The following INSL6 variants were observed in gnomAD, a reference collection of about 807,000 sequenced individuals.
The protein encoded by INSL6 is insulin like 6.
A neutral mutation model predicts 9.4 loss-of-function variants in INSL6; 16 were observed. The observed-to-expected ratio is 1.70, with a 90% CI of 1.15 to 2.59. The LOEUF is 2.59. INSL6 is among the 30% of genes most tolerant of loss of function. The pLI is 0.00. For missense variants in INSL6, 391 were observed against 257.3 expected, an observed-to-expected ratio of 1.52 and a Z score of -3.56; for synonymous variants, 154 against 96.9, an observed-to-expected ratio of 1.59 and a Z score of -3.46.
rs556595414 is a variant in INSL6, at chr9:5,126,257, T to C, written c.*11-1746A>G. The stretch of plus-strand genomic sequence containing the variant: ...CACACATATACTAAATTTTTTCCCA[T>C]TGACTGGAGGAAATTGAGAAAGAAT... On this transcript the variant is annotated intron_variant, in intron 3 of 3. Coordinates refer to the INSL6 transcript ENST00000649639. 3.3e-4 allele frequency: 332 copies of C among 1,017,918 alleles called. No individual in the cohort carries two copies. The African/African-American group carries it at 3.9e-3, about 12-fold the overall frequency. The allele number at this position is 1,017,918 out of a possible 1,614,324, so 63.1% of individuals were successfully genotyped here.
At chr9:5,107,196 T>C in the INSL6 span, among the ~76,000 whole-genome samples, 1 of 152,116 alleles carries the variant, frequency 6.6e-6, no homozygotes, top group Non-Finnish European at 1.5e-5. Flanking sequence ...TCCAATCAAC[T>C]AGTTTCGATA....
the INSL6 span, chr9:5,066,681 G>A: frequency 6.4e-7 from 1 of 1,570,358 alleles, no homozygotes; most frequent in South Asian, 1.1e-5. Context: ...CCTTTAGGAT[G>A]GATTTTGCCA....
At chr9:5,093,786 ATGTTGGATCAGGACATCC>A in the INSL6 span, among the ~76,000 whole-genome samples, 8 of 152,122 alleles carry the variant, frequency 5.3e-5, no homozygotes, top group African/African-American at 1.7e-4. Flanking sequence ...TACGACCTCG[ATGTTGGATCAGGACATCC>A]TAATGGTGTA....
chr9:5,002,950 A>G, the INSL6 span, among the ~76,000 whole-genome samples: 1 of 152,118 alleles, frequency 6.6e-6, no homozygotes, highest in East Asian at 1.9e-4. Flanking sequence ...TTTTTGCCCC[A>G]TATGAATAAC....
the INSL6 span, chr9:5,090,508 C>G: frequency 6.3e-7 from 1 of 1,592,020 alleles, no homozygotes; most frequent in Non-Finnish European, 8.6e-7. Context: ...AGACTATCTT[C>G]AAAAACATAA....
chr9:5,021,844 G>T, the INSL6 span: 1 of 611,052 alleles, frequency 1.6e-6, no homozygotes, highest in Non-Finnish European at 2.9e-6. Flanking sequence ...TGTTGCTGAG[G>T]CTTGTCTCCA....
At chr9:5,006,931 G>T in the INSL6 span, among the ~76,000 whole-genome samples, 1 of 152,094 alleles carries the variant, frequency 6.6e-6, no homozygotes, top group Non-Finnish European at 1.5e-5. Flanking sequence ...GAATATTCCT[G>T]TTGTCTTTTA....
intron 1 of INSL6, among the ~76,000 whole-genome samples, chr9:5,167,097 A>T (rs1825071470): frequency 6.6e-6 from 1 of 152,130 alleles, no homozygotes; most frequent in South Asian, 2.1e-4. Context: ...GGCGTGACTC[A>T]GAGAGAGCAA....
intron 1 of INSL6, among the ~76,000 whole-genome samples, chr9:5,180,993 T>C (rs554630748): frequency 1.9e-4 from 29 of 152,196 alleles, no homozygotes; most frequent in Non-Finnish European, 2.2e-4. Context: ...ATTAGAGTCC[T>C]ACTGATATGT....
the INSL6 span, among the ~76,000 whole-genome samples, chr9:4,996,451 AAAAT>A: frequency 6.6e-6 from 1 of 152,104 alleles, no homozygotes; most frequent in African/African-American, 2.4e-5. Flanking sequence ...TCTGTCTCAA[AAAAT>A]AAATAAATAA....
At chr9:5,134,711 C>T (rs901257495) in intron 2 of INSL6, among the ~76,000 whole-genome samples, 5 of 152,114 alleles carry the variant, frequency 3.3e-5, no homozygotes, top group Admixed American at 1.3e-4. Context: ...AAGGAACAAC[C>T]GGTACCAGCC....
At chr9:5,024,852 T>C in the INSL6 span, among the ~76,000 whole-genome samples, 1 of 152,126 alleles carries the variant, frequency 6.6e-6, no homozygotes, top group African/African-American at 2.4e-5. Context: ...GAAAAACAGT[T>C]TTTTGAGATT....
chr9:5,123,341 A>G (rs1010622055), downstream of INSL6, among the ~76,000 whole-genome samples: 4 of 151,930 alleles, frequency 2.6e-5, no homozygotes, highest in Admixed American at 1.3e-4. Flanking sequence ...TCTATTGTCT[A>G]TCATTCCACA....
At chr9:5,050,995 C>T in the INSL6 span, among the ~76,000 whole-genome samples, 1 of 152,064 alleles carries the variant, frequency 6.6e-6, no homozygotes. Flanking sequence ...TTGGATATTT[C>T]CAGATTTTGG....
the INSL6 span, among the ~76,000 whole-genome samples, chr9:5,045,335 C>A: frequency 5.3e-5 from 8 of 152,106 alleles, no homozygotes; most frequent in African/African-American, 1.9e-4. Flanking sequence ...AAGCCTAGTT[C>A]AGTTTATGAA....
At chr9:4,995,356 A>T in the INSL6 span, among the ~76,000 whole-genome samples, 15 of 152,298 alleles carry the variant, frequency 9.8e-5, 1 homozygote, top group East Asian at 2.9e-3. Flanking sequence ...GTTGTTGTGC[A>T]TCTAGGTAGG....
chr9:5,011,375 A>G, the INSL6 span, among the ~76,000 whole-genome samples: 1 of 151,964 alleles, frequency 6.6e-6, no homozygotes, highest in Non-Finnish European at 1.5e-5. Flanking sequence ...TTTTTTGTAG[A>G]GATGGGGTCT....
the INSL6 span, among the ~76,000 whole-genome samples, chr9:4,998,133 C>T: frequency 1.3e-5 from 2 of 151,918 alleles, no homozygotes; most frequent in African/African-American, 4.8e-5. Context: ...ATTTCCTGTG[C>T]AATTTTATTT....
At chr9:5,050,927 G>A in the INSL6 span, 1 of 999,856 alleles carries the variant, frequency 1.0e-6, no homozygotes, top group Non-Finnish European at 1.5e-6. Flanking sequence ...TTTTGATTTT[G>A]TAATACTAGT....
Sources: gnomAD v4.1 joint callset for allele counts (sites outside exome capture counted in the v4.1 genomes callset) on GRCh38, gnomAD v4.1.1 for gene constraint, MANE v1.5 for transcripts, NCBI Gene and HGNC (gene_info 2026-07-23, HGNC 2026-07-21) for gene names.